The following PAH variants were observed in gnomAD, a reference collection of about 807,000 sequenced individuals.
PAH encodes phenylalanine-4-hydroxylase.
PAH carries 64 observed loss-of-function variants against 62.0 expected under a neutral mutation model. The ratio of observed to expected loss-of-function variants is 1.03; its 90% CI spans 0.84 to 1.27. The LOEUF (loss-of-function observed/expected upper bound fraction) is 1.27. Ranked by LOEUF, PAH falls within the 50% of genes most tolerant of loss-of-function variation. PAH has a pLI of 0.00. For missense variants in PAH, 579 were observed against 542.8 expected (o/e 1.07, Z -0.66); for synonymous variants, 195 against 196.2 (o/e 0.99, Z 0.05).
chr12:102,860,511 A>G (rs1193822597), intron 5 of PAH, among the ~76,000 whole-genome samples: 1 of 123,400 alleles, frequency 8.1e-6, no homozygotes, highest in East Asian at 2.0e-4. Context: ...AACCAAAAAT[A>G]GCCCGCATTG....
At position 102,891,977 on chromosome 12, in the gene PAH, G is replaced by A. The variant is rs565546492; in HGVS notation, c.352+2758C>T. Among the ~76,000 whole-genome samples the A allele has an allele frequency of 8.3e-4, 126 of 152,314 alleles. 1 individual carries two copies. Among genetic ancestry groups the A allele is most frequent in the Non-Finnish European group, 1.1e-3 (73 of 68,024 alleles). On this transcript the variant is annotated intron_variant, in intron 3 of 12. Coordinates refer to ENST00000553106, the MANE Select transcript of PAH (RefSeq NM_000277.3). ...GGTCTGCAGCTCCTGTTGAGAGCAGGTGGCCGGAAAAAAGCAAGGGAGGGC... is the reference window on the plus strand; with the variant it reads ...GGTCTGCAGCTCCTGTTGAGAGCAGATGGCCGGAAAAAAGCAAGGGAGGGC...
chr12:102,840,932 G>C (rs904369375), intron 11 of PAH, among the ~76,000 whole-genome samples: 1 of 152,194 alleles, frequency 6.6e-6, no homozygotes, highest in Non-Finnish European at 1.5e-5. Flanking sequence ...CTCAAGTGGT[G>C]AAGAAAGCAC....
chr12:102,852,849 T>C lies in PAH; in HGVS notation c.808A>G (p.Arg270Gly), dbSNP rs199475690. 3 of 1,614,026 alleles carry C rather than the reference T, an allele frequency of 1.9e-6. No individual in the cohort carries two copies. The highest frequency in any genetic ancestry group is 2.5e-6 in the Non-Finnish European group (3 of 1,179,990). ...GTATACATGGGCTTGGATCCATGTC[T>C]GATGTACTGTGTGCAGTGGAAGACT... ...FRVFHCTQYI[R>G]HGSKPMYTPE... The change falls in exon 7 of 13, where the codon AGA becomes GGA. Residue 270 changes from arginine (R) to glycine (G), a missense_variant. Physicochemically the swap from Arg to Gly is moderately radical, Grantham distance 125. Coordinates refer to ENST00000553106, the MANE Select transcript of PAH (RefSeq NM_000277.3).
chr12:102,861,563 A>G (rs1321639035), intron 5 of PAH, among the ~76,000 whole-genome samples: 1 of 152,240 alleles, frequency 6.6e-6, no homozygotes, highest in Non-Finnish European at 1.5e-5. Flanking sequence ...TCATAATAGT[A>G]AAGACTTGGA....
intron 1 of PAH, chr12:102,958,002 G>A: frequency 2.8e-6 from 1 of 359,130 alleles, no homozygotes; most frequent in Non-Finnish European, 4.9e-6. Context: ...GGGAGGAGGG[G>A]AGGGAGGAGG....
upstream of PAH, among the ~76,000 whole-genome samples, chr12:102,922,195 C>CTTTTT (rs550531972): frequency 1.6e-5 from 2 of 124,984 alleles, no homozygotes; most frequent in African/African-American, 6.1e-5. Context: ...TAAATCTTGC[C>CTTTTT]TTTTTTTTTT....
At chr12:102,956,687 C>A (rs1402189691) in intron 1 of PAH, among the ~76,000 whole-genome samples, 1 of 152,088 alleles carries the variant, frequency 6.6e-6, no homozygotes, top group Non-Finnish European at 1.5e-5. Flanking sequence ...TTTATGATAT[C>A]CGCTAAGCTG....
upstream of PAH, among the ~76,000 whole-genome samples, chr12:102,918,395 G>A (rs1878464441): frequency 2.6e-5 from 4 of 151,946 alleles, no homozygotes; most frequent in South Asian, 8.3e-4. Flanking sequence ...AATAATAAAG[G>A]TTGCTGGAAG....
intron 1 of PAH, among the ~76,000 whole-genome samples, chr12:102,931,577 T>C (rs1056925109): frequency 6.6e-6 from 1 of 152,234 alleles, no homozygotes; most frequent in African/African-American, 2.4e-5. Context: ...CCATGAATTG[T>C]TTCTTATGCA....
upstream of PAH, among the ~76,000 whole-genome samples, chr12:102,955,651 A>G (rs907547146): frequency 2.0e-5 from 3 of 152,166 alleles, no homozygotes; most frequent in Admixed American, 2.0e-4. Flanking sequence ...TATTTCTGCA[A>G]GTGGTCTGAG....
chr12:102,936,541 G>A (rs1315059125), intron 1 of PAH, among the ~76,000 whole-genome samples: 1 of 151,856 alleles, frequency 6.6e-6, no homozygotes, highest in African/African-American at 2.4e-5. Flanking sequence ...AATAATATTT[G>A]CTTTGTATAT....
At chr12:102,907,308 T>G (rs146129258) in intron 2 of PAH, among the ~76,000 whole-genome samples, 2 of 152,204 alleles carry the variant, frequency 1.3e-5, no homozygotes, top group African/African-American at 4.8e-5. Context: ...ATTCAGATGT[T>G]CAGGGATAGC....
intron 3 of PAH, among the ~76,000 whole-genome samples, chr12:102,887,649 C>G (rs777229030): frequency 2.0e-5 from 3 of 152,052 alleles, no homozygotes; most frequent in South Asian, 2.1e-4. Context: ...TTTCAAGCAC[C>G]CTTATGCACA....
At chr12:102,890,053 G>A (rs926646811) in intron 3 of PAH, among the ~76,000 whole-genome samples, 4 of 152,138 alleles carry the variant, frequency 2.6e-5, no homozygotes, top group African/African-American at 9.7e-5. Flanking sequence ...AGAAGGTTGG[G>A]GTTTCTTTAC....
At chr12:102,906,300 G>A (rs1201428081) in intron 2 of PAH, among the ~76,000 whole-genome samples, 1 of 152,114 alleles carries the variant, frequency 6.6e-6, no homozygotes, top group Non-Finnish European at 1.5e-5. Flanking sequence ...GAAAAACTTT[G>A]TAGTTCTGAT....
chr12:102,951,299 C>A (rs1304089296), upstream of PAH, among the ~76,000 whole-genome samples: 1 of 152,186 alleles, frequency 6.6e-6, no homozygotes, highest in Admixed American at 6.5e-5. Flanking sequence ...CTGCGCGCTA[C>A]CAGGGAGACT....
chr12:102,856,302 A>G (rs534997183), intron 5 of PAH, among the ~76,000 whole-genome samples: 99 of 152,248 alleles, frequency 6.5e-4, no homozygotes, highest in African/African-American at 2.3e-3. Flanking sequence ...GATGCAAACT[A>G]TAGTTTAAAA....
chr12:102,859,549 A>T (rs1875616041), intron 5 of PAH, among the ~76,000 whole-genome samples: 3 of 152,262 alleles, frequency 2.0e-5, no homozygotes. Context: ...AATATCCCTG[A>T]TGAACATCAA....
intron 2 of PAH, among the ~76,000 whole-genome samples, chr12:102,899,289 G>A (rs1877639722): frequency 6.6e-6 from 1 of 152,122 alleles, no homozygotes; most frequent in African/African-American, 2.4e-5. Context: ...TTTTGGAAGG[G>A]AGGGGAGCAA....
Sources: allele counts gnomAD v4.1 joint callset (sites outside exome capture counted in the v4.1 genomes callset), GRCh38; gene constraint gnomAD v4.1.1; transcripts MANE v1.5; gene names NCBI Gene and HGNC (gene_info 2026-07-23, HGNC 2026-07-21).